SIDT2: variants seen among roughly 807,000 people sequenced by gnomAD.
SIDT2 encodes the protein SID1 transmembrane family member 2, also known as SID1 transmembrane family, member 2.
A neutral mutation model predicts 114.4 loss-of-function variants in SIDT2; 68 were observed. That is an observed-to-expected ratio of 0.59 (90% CI 0.49 to 0.73). SIDT2 has a LOEUF of 0.73. Ranked by LOEUF, SIDT2 falls within the 30% of genes least tolerant of loss-of-function variation. The pLI is 0.00. For missense variants in SIDT2, 918 were observed against 1,097.1 expected (o/e 0.84, Z 2.31); for synonymous variants, 470 against 438.4 (o/e 1.07, Z -0.90).
Position 117,196,099 on chromosome 11 carries a change from G to A in SIDT2, c.*33G>A, listed in dbSNP as rs1438369285. ...TGGGCCCTTCGCTTCACCTCAAGGG[G>A]CCCTGAGCTCCTTTGTGTCATAGAC... is the stretch of plus-strand genomic sequence containing the variant. On this transcript the variant is annotated 3_prime_UTR_variant, in exon 26 of 26. Coordinates refer to ENST00000324225, the MANE Select transcript of SIDT2 (RefSeq NM_001040455.2). The surrounding 1 kb of genome is among the most constrained non-coding windows in gnomAD (Gnocchi z 4.9). The A allele has an allele frequency of 6.2e-7, 1 of 1,613,614 alleles. No individual in the cohort carries two copies. The highest frequency in any genetic ancestry group is 1.7e-5 in the Admixed American group (1 of 60,026).
chr11:117,181,637 G>A, intron 2 of SIDT2, 100 bp downstream of exon 2: 1 of 1,583,386 alleles, frequency 6.3e-7, no homozygotes, highest in East Asian at 2.2e-5. Context: ...CCTTTCCCTG[G>A]GCTGGGAGGC....
At position 117,182,045 on chromosome 11, in the gene SIDT2, T is replaced by A. The variant is rs1313114963; in HGVS notation, c.471-15T>A. ...CTCCGGGGGTGACTGGTGGGGGCTC[T>A]TCTCTGCCCTGCAGGACTGGGGAGC... On this transcript the variant is annotated splice_polypyrimidine_tract_variant and intron_variant, in intron 3 of 25. Coordinates refer to ENST00000324225, the MANE Select transcript of SIDT2 (RefSeq NM_001040455.2). 6.2e-7 allele frequency: 1 copy of A among 1,613,996 alleles called. No individual in the cohort carries two copies. Among genetic ancestry groups the A allele is most frequent in the Non-Finnish European group, 8.5e-7 (1 of 1,180,030 alleles).
At chr11:117,184,282 G>T (rs867234857) in intron 8 of SIDT2, 143 bp downstream of exon 8, 2 of 749,592 alleles carry the variant, frequency 2.7e-6, no homozygotes, top group Non-Finnish European at 4.4e-6. Flanking sequence ...TTCTTGGCAG[G>T]CTTCTAGATG....
intron 15 of SIDT2, 34 bp downstream of exon 15, chr11:117,189,435 G>T (rs1217111595): frequency 6.2e-7 from 1 of 1,606,700 alleles, no homozygotes; most frequent in Non-Finnish European, 8.5e-7. Context: ...CTTTCCGACA[G>T]CCTAGGACAC....
Position 117,196,088 on chromosome 11 carries a change from C to A in SIDT2, c.*22C>A. 6.2e-7 allele frequency: 1 copy of A among 1,614,100 alleles called. No homozygotes were observed. Among genetic ancestry groups the A allele is most frequent in the Non-Finnish European group, 8.5e-7 (1 of 1,180,022 alleles). The stretch of plus-strand genomic sequence containing the variant: ...CTAGCAGGAGCTGGGCCCTTCGCTT[C>A]ACCTCAAGGGGCCCTGAGCTCCTTT... On this transcript the variant is annotated 3_prime_UTR_variant, in exon 26 of 26. Transcript: ENST00000324225. The surrounding 1 kb of genome is among the most constrained non-coding windows in gnomAD (Gnocchi z 4.9).
chr11:117,185,519 A>G (rs945904193), intron 8 of SIDT2, among the ~76,000 whole-genome samples: 7 of 152,176 alleles, frequency 4.6e-5, no homozygotes, highest in African/African-American at 1.7e-4. Flanking sequence ...GTGGAAATAC[A>G]GGACAGAGAA....
chr11:117,179,504 G>C (rs1329557656), intron 1 of SIDT2, 58 bp downstream of exon 1: 23 of 1,548,764 alleles, frequency 1.5e-5, no homozygotes, highest in Non-Finnish European at 1.8e-5. Flanking sequence ...AGGGCTAGGC[G>C]ATTCTGCCGC....
intron 23 of SIDT2, 94 bp downstream of exon 23, chr11:117,193,352 C>G (rs2030771992): frequency 2.7e-6 from 3 of 1,109,730 alleles, no homozygotes; most frequent in Admixed American, 4.2e-5. Context: ...GAGAAGTTTT[C>G]TGTCCCATCT....
rs370252120 is a variant in SIDT2 at position 117,182,762 on chromosome 11, G to A, written c.658G>A (p.Gly220Ser). Residue 220 changes from glycine (G) to serine (S), a missense_variant, in exon 6 of 26, where the codon GGC (glycine) becomes AGC (serine). Gly to Ser is a moderately conservative substitution (Grantham distance 56). Transcript: ENST00000324225. ...YDLDNNVAFIGMYQTMTKKAA... is the reference protein window; with the variant it reads ...YDLDNNVAFISMYQTMTKKAA... Reference sequence around the variant, plus strand: ...CCTGGACAACAACGTAGCCTTCATCGGCATGTACCAGACGATGACCAAGAA... The same window carrying A: ...CCTGGACAACAACGTAGCCTTCATCAGCATGTACCAGACGATGACCAAGAA... The A allele has an allele frequency of 5.0e-6, 8 of 1,614,014 alleles. No homozygotes were observed. Among genetic ancestry groups the A allele is most frequent in the East Asian group, 4.5e-5 (2 of 44,884 alleles).
Position 117,189,446 on chromosome 11 carries a change from C to T in SIDT2, c.1419+45C>T, listed in dbSNP as rs376187034. ...TCACCTTTCCGACAGCCTAGGACAC[C>T]GCCCCAAAGTGCAGAGCCTCCCAGC... On this transcript the variant is annotated intron_variant, in intron 15 of 25. Coordinates refer to ENST00000324225, the MANE Select transcript of SIDT2 (RefSeq NM_001040455.2). The T allele has an allele frequency of 2.9e-5, 46 of 1,594,472 alleles. No individual in the cohort carries two copies. In the East Asian group the frequency reaches 7.3e-4, roughly 25 times the overall value.
chr11:117,179,438 C>A lies in SIDT2; in HGVS notation c.175C>A (p.Arg59Ser), dbSNP rs1351976840. 1 of 1,612,996 alleles carries A rather than the reference C, an allele frequency of 6.2e-7. No individual in the cohort carries two copies. The highest frequency in any genetic ancestry group is 8.5e-7 in the Non-Finnish European group (1 of 1,179,290). The change falls in exon 1 of 26, where the codon CGC becomes AGC. Residue 59 changes from arginine (R) to serine (S), a missense_variant. Transcript: ENST00000324225. ...NIYTFNHTVT[R>S]NRTEGVRVSV... ...CTACACCTTCAACCATACTGTGACC[C>A]GCAACAGGGTGAGGGCTGGGGGCTT...
At chr11:117,183,638 C>CAAA in intron 6 of SIDT2, 141 bp from the exon 7 acceptor site, 5 of 528,348 alleles carry the variant, frequency 9.5e-6, no homozygotes, top group Admixed American at 3.7e-5. Flanking sequence ...AACTCCGTCT[C>CAAA]AAAAAAAAAA....
In SIDT2 at chr11:117,181,557, CAG is replaced by C. The variant is rs779561196; in HGVS notation, c.305+21_305+22del. 1.2e-6 allele frequency: 2 copies of C among 1,613,710 alleles called. No individual in the cohort carries two copies. The highest frequency in any genetic ancestry group is 1.7e-6 in the Non-Finnish European group (2 of 1,179,984). ...AGGGATGTGAGTAGGATCTGGGCATCAGGGAAGCGGGGCAGCCTAGGCCAGTC... is the reference window on the plus strand; with the variant it reads ...AGGGATGTGAGTAGGATCTGGGCATCGGAAGCGGGGCAGCCTAGGCCAGTC... On this transcript the variant is annotated intron_variant, in intron 2 of 25. Transcript: ENST00000324225.
intron 6 of SIDT2, 77 bp downstream of exon 6, chr11:117,182,883 T>G: frequency 6.8e-7 from 1 of 1,476,122 alleles, no homozygotes; most frequent in Non-Finnish European, 9.2e-7. Context: ...GAGCTCTTCT[T>G]CCTCTGCCCA....
rs1702305661 is a variant in SIDT2, at chr11:117,192,946, G to A, written c.2105+80G>A. The stretch of plus-strand genomic sequence containing the variant: ...AGCCACTGGCTGCCTTGGGGGCTAA[G>A]GACAACTTCCAAATGTTGGGCATAA... On this transcript the variant is annotated intron_variant, in intron 22 of 25. Coordinates refer to ENST00000324225, the MANE Select transcript of SIDT2 (RefSeq NM_001040455.2). This position sits in a 1 kb window ranked among gnomAD's most constrained non-coding sequence, Gnocchi z 5.9. 1 of 1,569,136 alleles carries A rather than the reference G, an allele frequency of 6.4e-7. No individual in the cohort carries two copies. Among genetic ancestry groups the A allele is most frequent in the Non-Finnish European group, 8.8e-7 (1 of 1,139,246 alleles).
At chr11:117,185,404 A>C (rs149045291) in intron 8 of SIDT2, among the ~76,000 whole-genome samples, 2 of 152,214 alleles carry the variant, frequency 1.3e-5, no homozygotes, top group Non-Finnish European at 2.9e-5. Flanking sequence ...AGCACCTCCT[A>C]TATGCCAGGT....
At chr11:117,189,426 T>C (rs2030620572) in intron 15 of SIDT2, 25 bp downstream of exon 15, 1 of 1,611,350 alleles carries the variant, frequency 6.2e-7, no homozygotes, top group Non-Finnish European at 8.5e-7. Flanking sequence ...CAGGTTCACC[T>C]TTCCGACAGC....
chr11:117,179,231 C>T lies in SIDT2; in HGVS notation c.-33C>T, dbSNP rs778737337. 1.9e-6 allele frequency: 3 copies of T among 1,596,036 alleles called. No homozygotes were observed. Among genetic ancestry groups the T allele is most frequent in the Non-Finnish European group, 2.6e-6 (3 of 1,172,646 alleles). ...TGTCTCCTGTCGCCGCCGCCGCCGCCACCACCGCTGCCACTGCCGCCCTGC... is the reference window on the plus strand; with the variant it reads ...TGTCTCCTGTCGCCGCCGCCGCCGCTACCACCGCTGCCACTGCCGCCCTGC... On this transcript the variant is annotated 5_prime_UTR_variant, in exon 1 of 26. Transcript: ENST00000324225.
At chr11:117,183,288 T>C (rs1033232121) in intron 6 of SIDT2, among the ~76,000 whole-genome samples, 1 of 150,644 alleles carries the variant, frequency 6.6e-6, no homozygotes, top group Non-Finnish European at 1.5e-5. Flanking sequence ...GAGGTTGCAG[T>C]GAGCCGAGAT....
Sources: allele counts gnomAD v4.1 joint callset (sites outside exome capture counted in the v4.1 genomes callset), GRCh38; gene constraint gnomAD v4.1.1; non-coding constraint Gnocchi (gnomAD v3.1); transcripts MANE v1.5; gene names NCBI Gene and HGNC (gene_info 2026-07-23, HGNC 2026-07-21).